HCRTR2: variants seen among roughly 807,000 people sequenced by gnomAD.
HCRTR2 encodes the protein hypocretin receptor 2.
HCRTR2 carries 22 observed loss-of-function variants against 49.0 expected under a neutral mutation model. That is an observed-to-expected ratio of 0.45 (90% CI 0.32 to 0.64). The LOEUF (loss-of-function observed/expected upper bound fraction) is 0.64, where lower values mean the gene tolerates loss of function less well. Ranked by LOEUF, HCRTR2 falls within the 30% of genes least tolerant of loss-of-function variation. The probability of loss-of-function intolerance (pLI) is 0.04; values close to 1 mark genes in which losing one functional copy is unlikely to be tolerated. For synonymous variants in HCRTR2, 236 were observed against 205.3 expected (o/e 1.15, Z -1.28); for missense variants, 491 against 559.4 (o/e 0.88, Z 1.23).
At chr6:55,179,174 A>G (rs1386882656) in intron 1 of HCRTR2, among the ~76,000 whole-genome samples, 2 of 152,076 alleles carry the variant, frequency 1.3e-5, no homozygotes, top group African/African-American at 4.8e-5. Context: ...AAGCCTAGAG[A>G]CATTTATTTT....
At chr6:55,116,705 A>AGAG in intron 1 of HCRTR2, among the ~76,000 whole-genome samples, 1 of 16,508 alleles carries the variant, frequency 6.1e-5, no homozygotes, top group Non-Finnish European at 2.3e-4. Flanking sequence ...CAGTACTGTA[A>AGAG]AGAGAGAGAG....
At chr6:55,228,025 TACAA>T (rs1439263032) in intron 1 of HCRTR2, among the ~76,000 whole-genome samples, 1 of 152,054 alleles carries the variant, frequency 6.6e-6, no homozygotes, top group Non-Finnish European at 1.5e-5. Context: ...GGCATTGCAG[TACAA>T]ACAGACAGTG....
chr6:55,163,092 C>A (rs149850387), intron 1 of HCRTR2, among the ~76,000 whole-genome samples: 2 of 151,724 alleles, frequency 1.3e-5, no homozygotes, highest in African/African-American at 4.8e-5. Flanking sequence ...AAAAATTAGC[C>A]GGGCGTGGTG....
intron 4 of HCRTR2, among the ~76,000 whole-genome samples, chr6:55,271,706 G>T (rs1483428690): frequency 6.6e-6 from 1 of 151,884 alleles, no homozygotes; most frequent in Non-Finnish European, 1.5e-5. Flanking sequence ...TTACAAGTAG[G>T]CAAAGACTTG....
intron 1 of HCRTR2, among the ~76,000 whole-genome samples, chr6:55,204,591 C>A (rs1765568181): frequency 6.6e-6 from 1 of 152,014 alleles, no homozygotes; most frequent in African/African-American, 2.4e-5. Flanking sequence ...ATTGTAGAAG[C>A]TATCACACTC....
intron 1 of HCRTR2, among the ~76,000 whole-genome samples, chr6:55,217,957 T>G (rs536478062): frequency 2.0e-5 from 3 of 152,274 alleles, no homozygotes; most frequent in African/African-American, 4.8e-5. Context: ...GGGGATTTGT[T>G]AGGGAAATTG....
intron 3 of HCRTR2, among the ~76,000 whole-genome samples, chr6:55,257,662 A>G (rs1330368734): frequency 6.6e-6 from 1 of 151,942 alleles, no homozygotes; most frequent in Non-Finnish European, 1.5e-5. Context: ...TGGTAAATAT[A>G]AATACATAAA....
intron 1 of HCRTR2, among the ~76,000 whole-genome samples, chr6:55,192,279 C>A (rs567595820): frequency 2.6e-5 from 4 of 152,138 alleles, no homozygotes; most frequent in African/African-American, 9.6e-5. Flanking sequence ...ATTGGCTGGA[C>A]ATGGTGGCTC....
intron 1 of HCRTR2, among the ~76,000 whole-genome samples, chr6:55,237,688 G>A (rs1766240309): frequency 6.6e-6 from 1 of 152,184 alleles, no homozygotes. Flanking sequence ...TTCTGCCTTA[G>A]TAGCTTTCCA....
chr6:55,157,136 ACACT>A (rs1053662429), intron 1 of HCRTR2, among the ~76,000 whole-genome samples: 1 of 152,200 alleles, frequency 6.6e-6, no homozygotes, highest in African/African-American at 2.4e-5. Context: ...GATTACATAC[ACACT>A]CACAACTACC....
chr6:55,148,612 G>A (rs1161756199), intron 1 of HCRTR2, among the ~76,000 whole-genome samples: 2 of 152,050 alleles, frequency 1.3e-5, no homozygotes, highest in African/African-American at 2.4e-5. Flanking sequence ...GGGATGTGTT[G>A]GGAAGCCAAT....
chr6:55,143,692 C>A (rs1209710710), intron 1 of HCRTR2, among the ~76,000 whole-genome samples: 1 of 152,116 alleles, frequency 6.6e-6, no homozygotes, highest in Non-Finnish European at 1.5e-5. Flanking sequence ...CTCATTTAAT[C>A]CACACAATAA....
chr6:55,202,001 G>T (rs1765520876), intron 1 of HCRTR2, among the ~76,000 whole-genome samples: 1 of 152,136 alleles, frequency 6.6e-6, no homozygotes, highest in East Asian at 1.9e-4. Flanking sequence ...TTCTTAGAAA[G>T]AAGCTATAGA....
At chr6:55,217,723 C>T (rs1765814406) in intron 1 of HCRTR2, among the ~76,000 whole-genome samples, 1 of 152,110 alleles carries the variant, frequency 6.6e-6, no homozygotes, top group Admixed American at 6.6e-5. Context: ...CAGACTTTCC[C>T]TAGTCTTCTC....
At chr6:55,278,884 T>A (rs2127332936) in intron 5 of HCRTR2, among the ~76,000 whole-genome samples, 1 of 152,046 alleles carries the variant, frequency 6.6e-6, no homozygotes, top group East Asian at 1.9e-4. Flanking sequence ...CTTTCTAATC[T>A]TTTTTCTCTT....
At chr6:55,207,333 T>C (rs1387064658) in intron 1 of HCRTR2, among the ~76,000 whole-genome samples, 1 of 152,168 alleles carries the variant, frequency 6.6e-6, no homozygotes. Context: ...AAATGTAATA[T>C]GTAGAACAGA....
intron 1 of HCRTR2, among the ~76,000 whole-genome samples, chr6:55,187,793 G>A (rs768031906): frequency 6.8e-6 from 1 of 146,986 alleles, no homozygotes; most frequent in African/African-American, 2.5e-5. Flanking sequence ...TTTCATTCCT[G>A]AGTTGTGAGT....
intron 4 of HCRTR2, among the ~76,000 whole-genome samples, chr6:55,266,230 A>C (rs1407186813): frequency 6.6e-6 from 1 of 152,166 alleles, no homozygotes; most frequent in Non-Finnish European, 1.5e-5. Context: ...CTATTTTTTA[A>C]AAAATGCACA....
chr6:55,277,516 G>A lies in HCRTR2; in HGVS notation c.899G>A (p.Arg300Lys), dbSNP rs1373442967. Reference protein sequence around the residue: ...AAEIKQIRARRKTARMLMIVL... With the variant: ...AAEIKQIRARKKTARMLMIVL... Reference sequence around the variant, plus strand: ...GAAATAAAGCAGATCCGAGCCAGAAGGAAAACAGCCCGGATGTTGATGATT... The same window carrying A: ...GAAATAAAGCAGATCCGAGCCAGAAAGAAAACAGCCCGGATGTTGATGATT... Residue 300 changes from arginine to lysine, a missense_variant, in exon 5 of 7, where the codon AGG becomes AAG. Coordinates refer to ENST00000370862, the MANE Select transcript of HCRTR2 (RefSeq NM_001384272.1). 1 of 1,613,970 alleles carries A rather than the reference G, an allele frequency of 6.2e-7. No homozygotes were observed. The highest frequency in any genetic ancestry group is 8.5e-7 in the Non-Finnish European group (1 of 1,180,006).
Sources: gnomAD v4.1 joint callset for allele counts (sites outside exome capture counted in the v4.1 genomes callset) on GRCh38, gnomAD v4.1.1 for gene constraint, MANE v1.5 for transcripts, NCBI Gene and HGNC (gene_info 2026-07-23, HGNC 2026-07-21) for gene names.